The following DIAPH2 variants were observed in gnomAD, a reference collection of about 807,000 sequenced individuals.
DIAPH2 encodes protein diaphanous homolog 2.
Under a neutral mutation model 92.7 loss-of-function variants are expected in DIAPH2, and 35 were observed. The observed-to-expected ratio is 0.38, with a 90% CI of 0.29 to 0.50. DIAPH2 has a LOEUF of 0.50. Ranked by LOEUF, DIAPH2 falls within the 20% of genes least tolerant of loss-of-function variation. The probability of loss-of-function intolerance (pLI) is 0.94; values close to 1 mark genes in which losing one functional copy is unlikely to be tolerated. For missense variants in DIAPH2, 701 were observed against 819.5 expected (o/e 0.86, Z 1.77); for synonymous variants, 301 against 280.4 (o/e 1.07, Z -0.73).
intron 1 of DIAPH2, among the ~76,000 whole-genome samples, chrX:96,718,996 C>T (rs1327615044): frequency 9.0e-6 from 1 of 111,472 alleles, no homozygotes; most frequent in African/African-American, 3.3e-5. Flanking sequence ...TAACATGATA[C>T]CTCTGTAATT....
chrX:96,868,492 A>G (rs1239901921), intron 4 of DIAPH2, among the ~76,000 whole-genome samples: 1 of 111,843 alleles, frequency 8.9e-6, no homozygotes, highest in Admixed American at 9.5e-5. Context: ...TTGTATTATG[A>G]CCCAATATTT....
intron 22 of DIAPH2, among the ~76,000 whole-genome samples, chrX:97,174,153 C>T (rs73632879): frequency 0.05 from 5,399 of 107,171 alleles, 309 homozygotes; most frequent in African/African-American, 0.16. Flanking sequence ...TATATGCACT[C>T]ATCTCCTCTG....
At chrX:97,151,342 T>C (rs953009696) in intron 22 of DIAPH2, among the ~76,000 whole-genome samples, 7 of 111,942 alleles carry the variant, frequency 6.3e-5, no homozygotes, top group Non-Finnish European at 1.3e-4. Flanking sequence ...GGTACTACAT[T>C]TTAATTCAGA....
chrX:96,747,472 CTCTTT>C (rs749468086), intron 3 of DIAPH2, among the ~76,000 whole-genome samples: 11 of 112,116 alleles, frequency 9.8e-5, no homozygotes, highest in Non-Finnish European at 1.3e-4. Context: ...ATGTTTTACA[CTCTTT>C]TCTATTCAGC....
At chrX:96,770,221 A>G (rs1239683649) in intron 4 of DIAPH2, among the ~76,000 whole-genome samples, 2 of 110,694 alleles carry the variant, frequency 1.8e-5, no homozygotes, top group Non-Finnish European at 3.8e-5. Context: ...AAGGATAAAC[A>G]TATGATCAGG....
At chrX:97,414,068 G>A (rs1389276599) in intron 25 of DIAPH2, among the ~76,000 whole-genome samples, 1 of 111,236 alleles carries the variant, frequency 9.0e-6, no homozygotes, top group East Asian at 2.8e-4. Context: ...AGTTCACATG[G>A]AACCAAAAAA....
chrX:96,864,002 G>A (rs780117434), intron 4 of DIAPH2, among the ~76,000 whole-genome samples: 8 of 111,530 alleles, frequency 7.2e-5, no homozygotes, highest in Non-Finnish European at 1.3e-4. Flanking sequence ...GGTCAATGCT[G>A]CAGTGATATG....
intron 26 of DIAPH2, among the ~76,000 whole-genome samples, chrX:97,437,761 TACACACAC>T (rs58161143): frequency 7.3e-5 from 7 of 95,746 alleles, no homozygotes; most frequent in Admixed American, 1.2e-4. Context: ...TACATGATTT[TACACACAC>T]ACACACACAC....
rs1255803662 is a variant in DIAPH2, at chrX:96,846,503, TA to T, written c.448-35075del. Among the ~76,000 whole-genome samples, 5 of 112,328 alleles carry T rather than the reference TA, an allele frequency of 4.5e-5. No individual in the cohort carries two copies. In the East Asian group the frequency reaches 1.4e-3, roughly 31 times the overall value. On this transcript the variant is annotated intron_variant, in intron 4 of 26. Transcript: ENST00000324765. ...ATACCTATAATTATGAAACCTGCAATATTAAGCATAGTTAAACTTTCAAATA... is the reference window on the plus strand; with the variant it reads ...ATACCTATAATTATGAAACCTGCAATTTAAGCATAGTTAAACTTTCAAATA...
chrX:97,453,469 C>G (rs772351876), intron 26 of DIAPH2, among the ~76,000 whole-genome samples: 1 of 110,616 alleles, frequency 9.0e-6, no homozygotes, highest in Non-Finnish European at 1.9e-5. Context: ...TGGGTCAAGT[C>G]AGTGCATAAA....
intron 21 of DIAPH2, among the ~76,000 whole-genome samples, chrX:97,124,237 G>A (rs1222766171): frequency 8.9e-6 from 1 of 112,340 alleles, no homozygotes; most frequent in Non-Finnish European, 1.9e-5. Flanking sequence ...AAAAGCTTAT[G>A]TGTCTCAAAA....
intron 17 of DIAPH2, among the ~76,000 whole-genome samples, chrX:97,059,113 A>G (rs983098347): frequency 8.9e-6 from 1 of 111,766 alleles, no homozygotes; most frequent in African/African-American, 3.2e-5. Flanking sequence ...TACTTTTGCT[A>G]TCTTAGCTAC....
intron 4 of DIAPH2, among the ~76,000 whole-genome samples, chrX:96,862,517 A>G (rs2065078464): frequency 9.0e-6 from 1 of 111,726 alleles, no homozygotes; most frequent in Non-Finnish European, 1.9e-5. Context: ...CATGTAGTAG[A>G]CACTCATTGG....
At chrX:96,761,306 A>AT (rs1308292861) in intron 4 of DIAPH2, among the ~76,000 whole-genome samples, 1 of 100,581 alleles carries the variant, frequency 9.9e-6, no homozygotes, top group African/African-American at 3.8e-5. Context: ...GTAAAGTTAT[A>AT]TTTTTTAAGA....
At chrX:97,551,595 TAA>T (rs1213709280) in intron 26 of DIAPH2, among the ~76,000 whole-genome samples, 1 of 98,857 alleles carries the variant, frequency 1.0e-5, no homozygotes, top group African/African-American at 3.7e-5. Context: ...CTCCGTTTTT[TAA>T]AAAAAAAAAA....
intron 15 of DIAPH2, among the ~76,000 whole-genome samples, chrX:96,950,774 C>T (rs2065769682): frequency 9.0e-6 from 1 of 111,585 alleles, no homozygotes; most frequent in Non-Finnish European, 1.9e-5. Context: ...ATCTCCTTAC[C>T]AGGAATGTTA....
intron 4 of DIAPH2, among the ~76,000 whole-genome samples, chrX:96,813,513 G>A (rs429854): frequency 0.42 from 45,671 of 109,892 alleles, 8,195 homozygotes; most frequent in African/African-American, 0.7. Flanking sequence ...GGAGCATTTA[G>A]CCCATTTACA....
intron 4 of DIAPH2, among the ~76,000 whole-genome samples, chrX:96,871,153 C>T (rs1157455136): frequency 9.0e-6 from 1 of 111,469 alleles, no homozygotes; most frequent in East Asian, 2.8e-4. Context: ...TCACTATTTA[C>T]ATACATGAAC....
At chrX:96,828,347 G>T (rs988834058) in intron 4 of DIAPH2, among the ~76,000 whole-genome samples, 2 of 111,551 alleles carry the variant, frequency 1.8e-5, no homozygotes, top group Non-Finnish European at 3.8e-5. Context: ...TGATTTGGCC[G>T]AAGTCTTAGT....
Sources: allele counts gnomAD v4.1 joint callset (sites outside exome capture counted in the v4.1 genomes callset), GRCh38; gene constraint gnomAD v4.1.1; transcripts MANE v1.5; gene names NCBI Gene and HGNC (gene_info 2026-07-23, HGNC 2026-07-21).